Variants in MAPRE2 observed in about 807,000 individuals in gnomAD.
MAPRE2 encodes the protein microtubule associated protein RP/EB family member 2, also known as microtubule-associated protein RP/EB family member 2.
Under a neutral mutation model 43.2 loss-of-function variants are expected in MAPRE2, and 13 were observed. The ratio of observed to expected loss-of-function variants is 0.30; its 90% CI spans 0.20 to 0.48. The LOEUF is 0.48. MAPRE2 is among the 20% of genes least tolerant of loss of function. The pLI, the probability that MAPRE2 is intolerant of heterozygous loss-of-function variation, is 0.99. For missense variants in MAPRE2, 161 were observed against 400.2 expected, an observed-to-expected ratio of 0.40 and a Z score of 5.10; for synonymous variants, 135 against 148.8, an observed-to-expected ratio of 0.91 and a Z score of 0.68.
chr18:35,057,896 A>G (rs1893230202), intron 1 of MAPRE2, among the ~76,000 whole-genome samples: 2 of 152,326 alleles, frequency 1.3e-5, no homozygotes, highest in East Asian at 1.9e-4. Context: ...TGCTCCACCA[A>G]CTTAGCTGAA....
At chr18:35,068,505 C>A (rs1391344530) in intron 1 of MAPRE2, among the ~76,000 whole-genome samples, 14 of 152,052 alleles carry the variant, frequency 9.2e-5, no homozygotes, top group African/African-American at 3.4e-4. Flanking sequence ...TGTTTAAGTC[C>A]ATGGATTCAT....
chr18:35,139,258 C>T lies in MAPRE2; in HGVS notation c.910-1037C>T, dbSNP rs192637358. Among the ~76,000 whole-genome samples, 450 of 152,282 alleles carry T rather than the reference C, an allele frequency of 3.0e-3. 1 individual carries two copies. Among genetic ancestry groups the T allele is most frequent in the Non-Finnish European group, 4.4e-3 (299 of 68,028 alleles). On this transcript the variant is annotated intron_variant, in intron 6 of 6. Transcript: ENST00000300249. ...CTCGGGAGCCAGCGTGCCAGGTGTG[C>T]GAGGCATGGGCACTTCCATATGTCC...
At chr18:34,990,790 G>A (rs2097023362) in intron 1 of MAPRE2, among the ~76,000 whole-genome samples, 1 of 152,130 alleles carries the variant, frequency 6.6e-6, no homozygotes, top group African/African-American at 2.4e-5. Flanking sequence ...GCAGGACAAG[G>A]CAGAAGGATC....
intron 1 of MAPRE2, among the ~76,000 whole-genome samples, chr18:34,986,637 G>A (rs1401480985): frequency 6.6e-6 from 1 of 152,144 alleles, no homozygotes; most frequent in African/African-American, 2.4e-5. Flanking sequence ...GTGTGATGTA[G>A]TATTGGCAAA....
At chr18:35,032,926 T>C (rs920385783) in intron 2 of MAPRE2, among the ~76,000 whole-genome samples, 2 of 152,136 alleles carry the variant, frequency 1.3e-5, no homozygotes, top group African/African-American at 4.8e-5. Flanking sequence ...GGGAGCTTTT[T>C]AGTACAGATA....
intron 2 of MAPRE2, among the ~76,000 whole-genome samples, chr18:35,034,873 A>G (rs1361395678): frequency 6.6e-6 from 1 of 152,132 alleles, no homozygotes. Flanking sequence ...CAGGTGCTGG[A>G]GAGGATGTGG....
intron 1 of MAPRE2, among the ~76,000 whole-genome samples, chr18:35,055,624 A>G (rs1435719199): frequency 6.6e-6 from 1 of 151,352 alleles, no homozygotes; most frequent in African/African-American, 2.4e-5. Context: ...TGTGTGAAAC[A>G]CATACACACA....
At chr18:35,024,209 G>T (rs273343) in intron 2 of MAPRE2, among the ~76,000 whole-genome samples, 1 of 151,968 alleles carries the variant, frequency 6.6e-6, no homozygotes, top group East Asian at 1.9e-4. Context: ...GAGTTCTGGA[G>T]CTATCTTGTT....
chr18:35,081,006 C>T (rs1907604440), intron 2 of MAPRE2, among the ~76,000 whole-genome samples: 1 of 152,182 alleles, frequency 6.6e-6, no homozygotes, highest in African/African-American at 2.4e-5. Flanking sequence ...TGCAGTTTCT[C>T]TTCGCATTCT....
chr18:34,988,466 C>A (rs930218355), intron 1 of MAPRE2: 1 of 152,174 alleles, frequency 6.6e-6, no homozygotes, highest in African/African-American at 2.4e-5. Context: ...TGAGTTTTTT[C>A]ATCTGTCAAA....
chr18:35,010,497 C>A (rs2097034023), intron 2 of MAPRE2, among the ~76,000 whole-genome samples: 1 of 152,204 alleles, frequency 6.6e-6, no homozygotes, highest in South Asian at 2.1e-4. Flanking sequence ...TTGGGTGCAT[C>A]ATGGACACTC....
intron 2 of MAPRE2, among the ~76,000 whole-genome samples, chr18:35,075,700 A>G (rs1410777487): frequency 1.3e-5 from 2 of 151,928 alleles, no homozygotes; most frequent in African/African-American, 4.8e-5. Context: ...GACTCATGCT[A>G]ATTTTAAAAG....
At chr18:35,055,251 A>G (rs1906156717) in intron 1 of MAPRE2, among the ~76,000 whole-genome samples, 1 of 152,148 alleles carries the variant, frequency 6.6e-6, no homozygotes, top group Non-Finnish European at 1.5e-5. Context: ...GCTCCCTCCA[A>G]CAGCTCTGGG....
At chr18:35,054,471 G>A (rs1207451605) in intron 1 of MAPRE2, among the ~76,000 whole-genome samples, 1 of 152,164 alleles carries the variant, frequency 6.6e-6, no homozygotes, top group Non-Finnish European at 1.5e-5. Context: ...GGTTCAGGCC[G>A]AATTTCAGGT....
At chr18:35,096,760 AATAAGT>A (rs1159224808) in intron 2 of MAPRE2, among the ~76,000 whole-genome samples, 3 of 152,000 alleles carry the variant, frequency 2.0e-5, no homozygotes, top group Non-Finnish European at 4.4e-5. Context: ...AGTAATAGGT[AATAAGT>A]ATAAGTAATA....
chr18:34,977,448 G>A (rs1441916614), intron 1 of MAPRE2, among the ~76,000 whole-genome samples: 1 of 152,210 alleles, frequency 6.6e-6, no homozygotes, highest in Non-Finnish European at 1.5e-5. Flanking sequence ...CACGGCGTTG[G>A]TGAAGGAGGG....
At chr18:34,985,277 AAT>A (rs1267873576) in intron 1 of MAPRE2, among the ~76,000 whole-genome samples, 2 of 41,182 alleles carry the variant, frequency 4.9e-5, no homozygotes, top group East Asian at 1.2e-3. Flanking sequence ...TATATAATAT[AAT>A]ATATTATATA....
chr18:35,041,677 C>G lies in MAPRE2; in HGVS notation c.122+16C>G. Reference sequence around the variant, plus strand: ...GTTCCTACAGGTAATGGGGCTGGCACGAGAGCAGCGCCGGGGACCGCCGTG... The same window carrying G: ...GTTCCTACAGGTAATGGGGCTGGCAGGAGAGCAGCGCCGGGGACCGCCGTG... On this transcript the variant is annotated intron_variant, in intron 1 of 6. Coordinates refer to ENST00000300249, the MANE Select transcript of MAPRE2 (RefSeq NM_014268.4). 1.2e-6 allele frequency: 2 copies of G among 1,614,036 alleles called. No individual in the cohort carries two copies. Among genetic ancestry groups the G allele is most frequent in the South Asian group, 1.1e-5 (1 of 91,084 alleles).
chr18:35,035,528 T>A (rs1432595746), intron 2 of MAPRE2, among the ~76,000 whole-genome samples: 1 of 151,706 alleles, frequency 6.6e-6, no homozygotes, highest in Non-Finnish European at 1.5e-5. Context: ...TAAAAAAAAA[T>A]TGCAGTGCCT....
Sources: allele counts gnomAD v4.1 joint callset (sites outside exome capture counted in the v4.1 genomes callset), GRCh38; gene constraint gnomAD v4.1.1; transcripts MANE v1.5; gene names NCBI Gene and HGNC (gene_info 2026-07-23, HGNC 2026-07-21).